The following MYO1C variants were observed in gnomAD, a reference collection of about 807,000 sequenced individuals.
MYO1C encodes the protein unconventional myosin-Ic.
Under a neutral mutation model 150.8 loss-of-function variants are expected in MYO1C, and 104 were observed. The observed-to-expected ratio is 0.69, with a 90% CI of 0.59 to 0.81. The LOEUF is 0.81. Ranked by LOEUF, MYO1C falls within the 30% of genes least tolerant of loss-of-function variation. The probability of loss-of-function intolerance (pLI) is 0.00; values close to 1 mark genes in which losing one functional copy is unlikely to be tolerated. For synonymous variants in MYO1C, 663 were observed against 579.9 expected, an observed-to-expected ratio of 1.14 and a Z score of -2.06; for missense variants, 1,504 against 1,435.0, an observed-to-expected ratio of 1.05 and a Z score of -0.78.
chr17:1,488,104 A>T (rs1218475914), intron 1 of MYO1C, among the ~76,000 whole-genome samples: 1 of 152,078 alleles, frequency 6.6e-6, no homozygotes, highest in Non-Finnish European at 1.5e-5. Flanking sequence ...GGCAGGAGCC[A>T]GCGGGGGCGC....
At chr17:1,473,800 C>T (rs2074349650) in intron 17 of MYO1C, among the ~76,000 whole-genome samples, 1 of 152,182 alleles carries the variant, frequency 6.6e-6, no homozygotes, top group Non-Finnish European at 1.5e-5. Flanking sequence ...ATCTGACATT[C>T]CCAAGTCATC....
In MYO1C at chr17:1,468,252, C is replaced by G. The variant is rs1482326015; in HGVS notation, c.2760+1G>C. The G allele has an allele frequency of 6.2e-7, 1 of 1,613,394 alleles. No homozygotes were observed. The highest frequency in any genetic ancestry group is 2.2e-5 in the East Asian group (1 of 44,836). On this transcript the variant is annotated splice_donor_variant, in intron 27 of 31. Transcript: ENST00000648651. LOFTEE classifies it high-confidence loss of function. ...ACTCAGGGCTGCAGGCAGGCTCTTACCTGAATGGGCTCAGAGCCCAAGGCC... is the reference window on the plus strand; with the variant it reads ...ACTCAGGGCTGCAGGCAGGCTCTTAGCTGAATGGGCTCAGAGCCCAAGGCC...
rs762452538 is a variant in MYO1C, at chr17:1,478,036, A to G, written c.1401+51T>C. 6.2e-7 allele frequency: 1 copy of G among 1,611,738 alleles called. No homozygotes were observed. The highest frequency in any genetic ancestry group is 2.2e-5 in the East Asian group (1 of 44,856). On this transcript the variant is annotated intron_variant, in intron 12 of 31. Coordinates refer to ENST00000648651, the MANE Select transcript of MYO1C (RefSeq NM_001080779.2). This position sits in a 1 kb window ranked among gnomAD's most constrained non-coding sequence, Gnocchi z 6.3. ...CTGGCACCCTCTCCCAGGGGCCCCG[A>G]TACCCAGGCTCCCCGTGGCCCACGG...
In MYO1C at chr17:1,478,335, T is replaced by C. The variant is rs2074442663; in HGVS notation, c.1295+75A>G. On this transcript the variant is annotated intron_variant, in intron 11 of 31. Coordinates refer to ENST00000648651, the MANE Select transcript of MYO1C (RefSeq NM_001080779.2). This position sits in a 1 kb window ranked among gnomAD's most constrained non-coding sequence, Gnocchi z 6.3. ...TGGCTGGGGAGTCACAGGGCAGGAA[T>C]GAGAGGCTGGAGGACAGAAGAGAGG... 2 of 1,591,450 alleles carry C rather than the reference T, an allele frequency of 1.3e-6. No individual in the cohort carries two copies. Among genetic ancestry groups the C allele is most frequent in the East Asian group, 2.2e-5 (1 of 44,756 alleles).
At chr17:1,488,038 G>C (rs1439893199) in intron 1 of MYO1C, among the ~76,000 whole-genome samples, 1 of 152,200 alleles carries the variant, frequency 6.6e-6, no homozygotes, top group Non-Finnish European at 1.5e-5. Flanking sequence ...AGCCCCTCCC[G>C]GAAGCTCAGC....
At chr17:1,484,080 C>T in intron 2 of MYO1C, 68 bp downstream of exon 2, 1 of 1,575,050 alleles carries the variant, frequency 6.3e-7, no homozygotes, top group South Asian at 1.1e-5. Flanking sequence ...CCCTTGGTGT[C>T]TCTTTCCCCT....
chr17:1,471,977 G>A lies in MYO1C; in HGVS notation c.1951C>T (p.Leu651=), dbSNP rs1454919186. The change falls in exon 19 of 32, where the codon CTG becomes TTG. Residue 651 remains leucine, a synonymous_variant. Transcript: ENST00000648651. ...CTGCGCACGCGCAGGTTTTCCAACA[G>A]CCCCAGGTACTTCACCTGGTGGCGG... ...LIRHQVKYLG[L]LENLRVRRAG... The A allele has an allele frequency of 5.0e-6, 8 of 1,613,980 alleles. No individual in the cohort carries two copies. The highest frequency in any genetic ancestry group is 6.8e-6 in the Non-Finnish European group (8 of 1,180,006).
chr17:1,470,792 A>G, intron 21 of MYO1C, 103 bp from the exon 22 acceptor site: 1 of 1,247,408 alleles, frequency 8.0e-7, no homozygotes, highest in Non-Finnish European at 1.1e-6. Context: ...GAGTGGCTGA[A>G]GGAACCAACG....
Position 1,478,270 on chromosome 17 carries a change from CT to C in MYO1C, c.1296-79del. ...AGAGGGGAAAAGCTGGACGACGCCC[CT>C]GAGCACAGGAGGTGAGAAACACAGA... On this transcript the variant is annotated intron_variant, in intron 11 of 31. Coordinates refer to ENST00000648651, the MANE Select transcript of MYO1C (RefSeq NM_001080779.2). The surrounding 1 kb of genome is among the most constrained non-coding windows in gnomAD (Gnocchi z 6.3). 1 of 1,563,664 alleles carries C rather than the reference CT, an allele frequency of 6.4e-7. No homozygotes were observed. The highest frequency in any genetic ancestry group is 1.7e-5 in the Admixed American group (1 of 59,820).
Position 1,478,070 on chromosome 17 carries a change from C to A in MYO1C, c.1401+17G>T. 6.2e-7 allele frequency: 1 copy of A among 1,613,776 alleles called. No individual in the cohort carries two copies. Among genetic ancestry groups the A allele is most frequent in the Non-Finnish European group, 8.5e-7 (1 of 1,179,772 alleles). On this transcript the variant is annotated intron_variant, in intron 12 of 31. Transcript: ENST00000648651. This position sits in a 1 kb window ranked among gnomAD's most constrained non-coding sequence, Gnocchi z 6.3. ...CTCCCCGTGGCCCACGGAGAGTGCC[C>A]CCAGGCTAGCACACACCGCGATGCC...
At position 1,480,755 on chromosome 17, in the gene MYO1C, C is replaced by T. The variant is rs150460963; in HGVS notation, c.758G>A (p.Arg253His). Residue 253 changes from arginine to histidine, a missense_variant, in exon 6 of 32, where the codon CGC (arginine) becomes CAC (histidine). Physicochemically the swap from Arg to His is conservative, Grantham distance 29. Coordinates refer to ENST00000648651, the MANE Select transcript of MYO1C (RefSeq NM_001080779.2). Reference protein sequence around the residue: ...LLEGGEEETLRRLGLERNPQS... With the variant: ...LLEGGEEETLHRLGLERNPQS... ...GGGGTTCCGTTCCAAGCCCAGCCTGCGAAGAGTCTCCTCCTCGCCCCCCTC... is the reference window on the plus strand; with the variant it reads ...GGGGTTCCGTTCCAAGCCCAGCCTGTGAAGAGTCTCCTCCTCGCCCCCCTC... 94 of 1,614,030 alleles carry T rather than the reference C, an allele frequency of 5.8e-5. No homozygotes were observed. The highest frequency in any genetic ancestry group is 6.7e-5 in the Non-Finnish European group (79 of 1,180,022).
intron 1 of MYO1C, chr17:1,485,920 C>CGG (rs1474114349): frequency 6.8e-6 from 1 of 146,774 alleles, no homozygotes; most frequent in African/African-American, 2.5e-5. Flanking sequence ...GTGGGGGTGT[C>CGG]GGGGCGGGGG....
chr17:1,469,354 G>GTAGACTGGGGTAAATAGAGTAGACC (rs2074248655), intron 25 of MYO1C, 177 bp downstream of exon 25: 1 of 655,960 alleles, frequency 1.5e-6, no homozygotes, highest in African/African-American at 1.8e-5. Flanking sequence ...GGTAAATACG[G>GTAGACTGGGGTAAATAGAGTAGACC]TAGACTGGGG....
chr17:1,483,736 G>T lies in MYO1C; in HGVS notation c.232-11C>A, dbSNP rs2074588662. On this transcript the variant is annotated splice_polypyrimidine_tract_variant and intron_variant, in intron 2 of 31. Transcript: ENST00000648651. ...GGGGCCAATGTAGGTCTGGGATCGG[G>T]GGAAGAGGGTCCAAAGTTTATCCCG... 1 of 1,594,548 alleles carries T rather than the reference G, an allele frequency of 6.3e-7. No homozygotes were observed. The highest frequency in any genetic ancestry group is 1.7e-5 in the Admixed American group (1 of 57,470).
intron 1 of MYO1C, chr17:1,486,883 C>T (rs2074666992): frequency 1.3e-5 from 2 of 152,338 alleles, no homozygotes; most frequent in African/African-American, 2.4e-5. Flanking sequence ...CCCCCACCTC[C>T]GAAGCGGCCT....
intron 3 of MYO1C, 120 bp from the exon 4 acceptor site, chr17:1,483,179 G>A: frequency 9.9e-7 from 1 of 1,005,334 alleles, no homozygotes; most frequent in Non-Finnish European, 1.4e-6. Flanking sequence ...TTGAGGATGG[G>A]GACTGGGGGT....
In MYO1C at chr17:1,480,834, C is replaced by T. The variant is rs770084477; in HGVS notation, c.679G>A (p.Val227Met). The T allele has an allele frequency of 6.2e-7, 1 of 1,614,180 alleles. No homozygotes were observed. The highest frequency in any genetic ancestry group is 1.7e-5 in the Admixed American group (1 of 60,028). ...ILSYLLEKSR[V>M]VHQNHGERNF... Reference sequence around the variant, plus strand: ...CGCTCCCCATGATTCTGGTGCACCACTCGTGACTTTTCCAGGAGGTAACTG... The same window carrying T: ...CGCTCCCCATGATTCTGGTGCACCATTCGTGACTTTTCCAGGAGGTAACTG... Residue 227 changes from valine (V) to methionine (M), a missense_variant, in exon 6 of 32, where the codon GTG becomes ATG. Val to Met is a conservative substitution (Grantham distance 21). Transcript: ENST00000648651.
At chr17:1,485,358 G>A (rs1038384404) in intron 1 of MYO1C, 18 of 957,544 alleles carry the variant, frequency 1.9e-5, no homozygotes, top group Admixed American at 1.2e-4. Flanking sequence ...CCAGATTTCT[G>A]GCCGGGGGCC....
chr17:1,482,706 G>GCCCCTC, intron 4 of MYO1C, 148 bp from the exon 5 acceptor site: 1 of 363,542 alleles, frequency 2.8e-6, no homozygotes, highest in African/African-American at 5.4e-5. Context: ...TTCTCTCCCT[G>GCCCCTC]CCCTCCCCTC....
Sources: allele counts gnomAD v4.1 joint callset (sites outside exome capture counted in the v4.1 genomes callset), GRCh38; gene constraint gnomAD v4.1.1; non-coding constraint Gnocchi (gnomAD v3.1); transcripts MANE v1.5; gene names NCBI Gene and HGNC (gene_info 2026-07-23, HGNC 2026-07-21).